The following SYT17 variants were observed in gnomAD, a reference collection of about 807,000 sequenced individuals.
SYT17 encodes synaptotagmin 17.
In SYT17, 22 loss-of-function variants were observed where a neutral mutation model predicts 46.7. The ratio of observed to expected loss-of-function variants is 0.47; its 90% CI spans 0.34 to 0.67. The LOEUF (loss-of-function observed/expected upper bound fraction) is 0.67, where lower values mean the gene tolerates loss of function less well. SYT17 is among the 30% of genes least tolerant of loss of function. The pLI is 0.01. For synonymous variants in SYT17, 251 were observed against 248.4 expected (o/e 1.01, Z -0.10); for missense variants, 519 against 612.8 (o/e 0.85, Z 1.62).
chr16:19,178,333 C>G (rs1441964984), intron 3 of SYT17, among the ~76,000 whole-genome samples: 3 of 152,110 alleles, frequency 2.0e-5, no homozygotes, highest in Non-Finnish European at 4.4e-5. Flanking sequence ...GATCCACCCG[C>G]CTCAGCCTCC....
At chr16:19,220,547 C>T (rs887976799) in intron 5 of SYT17, among the ~76,000 whole-genome samples, 1 of 152,058 alleles carries the variant, frequency 6.6e-6, no homozygotes, top group African/African-American at 2.4e-5. Context: ...GATCCACCCA[C>T]GTTGGCCTCC....
At chr16:19,225,507 T>C (rs1332312549) in intron 7 of SYT17, among the ~76,000 whole-genome samples, 1 of 152,230 alleles carries the variant, frequency 6.6e-6, no homozygotes, top group Non-Finnish European at 1.5e-5. Context: ...CAAACATTTA[T>C]ATCTCATAGT....
At chr16:19,185,259 G>T (rs1964738205) in intron 5 of SYT17, among the ~76,000 whole-genome samples, 1 of 152,140 alleles carries the variant, frequency 6.6e-6, no homozygotes, top group Admixed American at 6.5e-5. Flanking sequence ...GGAGAAACAG[G>T]GGAGGGGGCT....
chr16:19,252,182 C>A (rs1045612342), intron 7 of SYT17, among the ~76,000 whole-genome samples: 1 of 146,388 alleles, frequency 6.8e-6, no homozygotes, highest in Non-Finnish European at 1.5e-5. Context: ...AACAAAAAAA[C>A]CATGTTTGAG....
chr16:19,197,299 A>G (rs1223976386), intron 5 of SYT17, among the ~76,000 whole-genome samples: 1 of 152,090 alleles, frequency 6.6e-6, no homozygotes, highest in African/African-American at 2.4e-5. Context: ...GCGGTCCTTC[A>G]TGTTTTCTTC....
At chr16:19,179,982 G>C (rs1216033128) in intron 3 of SYT17, among the ~76,000 whole-genome samples, 2 of 152,150 alleles carry the variant, frequency 1.3e-5, no homozygotes, top group Admixed American at 1.3e-4. Flanking sequence ...TGAAATACCA[G>C]GACACTTGTA....
chr16:19,190,538 C>G (rs1311796884), intron 5 of SYT17, among the ~76,000 whole-genome samples: 1 of 152,094 alleles, frequency 6.6e-6, no homozygotes, highest in Non-Finnish European at 1.5e-5. Context: ...AAACTGAAAC[C>G]CTACACCCAT....
At chr16:19,179,717 C>T (rs1012880053) in intron 3 of SYT17, among the ~76,000 whole-genome samples, 2 of 152,198 alleles carry the variant, frequency 1.3e-5, no homozygotes, top group Admixed American at 1.3e-4. Flanking sequence ...TCAGCCCCAG[C>T]GGTTCTCTCA....
intron 5 of SYT17, among the ~76,000 whole-genome samples, chr16:19,217,497 T>G (rs776906024): frequency 6.6e-6 from 1 of 152,216 alleles, no homozygotes; most frequent in Non-Finnish European, 1.5e-5. Context: ...CTGGCTTCTT[T>G]CACTTTTTTG....
At chr16:19,249,382 A>T (rs1259827322) in intron 7 of SYT17, among the ~76,000 whole-genome samples, 1 of 152,178 alleles carries the variant, frequency 6.6e-6, no homozygotes, top group Non-Finnish European at 1.5e-5. Flanking sequence ...TGAGCCAGGG[A>T]GGGGATGGAG....
intron 5 of SYT17, among the ~76,000 whole-genome samples, chr16:19,212,614 C>T (rs1965948726): frequency 6.6e-6 from 1 of 152,040 alleles, no homozygotes; most frequent in Non-Finnish European, 1.5e-5. Context: ...GAGCGAGATT[C>T]CTGTCACAAT....
intron 5 of SYT17, among the ~76,000 whole-genome samples, chr16:19,205,137 A>C (rs533187815): frequency 7.3e-4 from 111 of 152,250 alleles, no homozygotes; most frequent in African/African-American, 2.6e-3. Flanking sequence ...AGTAAAATAA[A>C]TGTCAGTTCA....
intron 5 of SYT17, among the ~76,000 whole-genome samples, chr16:19,198,288 T>G (rs1544357): frequency 0.72 from 109,657 of 151,974 alleles, 40,558 homozygotes; most frequent in African/African-American, 0.88. Flanking sequence ...GGGTTATTGT[T>G]GGCAGTCAGA....
intron 3 of SYT17, among the ~76,000 whole-genome samples, chr16:19,179,721 T>C (rs1402196434): frequency 6.6e-6 from 1 of 152,154 alleles, no homozygotes; most frequent in Non-Finnish European, 1.5e-5. Flanking sequence ...CCCCAGCGGT[T>C]CTCTCAATGA....
chr16:19,231,523 C>CAAAAAAAAA (rs143448107), intron 7 of SYT17, among the ~76,000 whole-genome samples: 139 of 45,832 alleles, frequency 3.0e-3, no homozygotes, highest in East Asian at 5.2e-3. Context: ...AACTCCATCA[C>CAAAAAAAAA]AAAAAAAAAA....
At chr16:19,207,222 G>A (rs1301707512) in intron 5 of SYT17, among the ~76,000 whole-genome samples, 2 of 152,146 alleles carry the variant, frequency 1.3e-5, no homozygotes, top group Admixed American at 6.5e-5. Context: ...CATGCTTCTT[G>A]TACAGCCTGC....
chr16:19,173,226 A>C, intron 2 of SYT17: 2 of 563,510 alleles, frequency 3.5e-6, no homozygotes, highest in Non-Finnish European at 6.2e-6. Context: ...GATGTTTGCT[A>C]TCTTTGTGCC....
At chr16:19,245,958 T>A (rs187173813) in intron 7 of SYT17, among the ~76,000 whole-genome samples, 1 of 152,294 alleles carries the variant, frequency 6.6e-6, no homozygotes, top group Admixed American at 6.5e-5. Flanking sequence ...TGCATATGCA[T>A]GTATGCATAT....
At chr16:19,176,637 T>G (rs896265060) in intron 3 of SYT17, among the ~76,000 whole-genome samples, 1 of 150,970 alleles carries the variant, frequency 6.6e-6, no homozygotes, top group African/African-American at 2.4e-5. Context: ...AATAGACAAT[T>G]GGGGTATTGT....
Sources: allele counts gnomAD v4.1 joint callset (sites outside exome capture counted in the v4.1 genomes callset), GRCh38; gene constraint gnomAD v4.1.1; transcripts MANE v1.5; gene names NCBI Gene and HGNC (gene_info 2026-07-23, HGNC 2026-07-21).